MSRA: variants seen among roughly 807,000 people sequenced by gnomAD.
MSRA encodes mitochondrial peptide methionine sulfoxide reductase.
In MSRA, 54 loss-of-function variants were observed where a neutral mutation model predicts 31.3. The ratio of observed to expected loss-of-function variants is 1.73; its 90% confidence interval spans 1.39 to 2.17. The LOEUF (loss-of-function observed/expected upper bound fraction) is 2.17, where lower values mean the gene tolerates loss of function less well. Ranked by LOEUF, MSRA falls within the 30% of genes most tolerant of loss-of-function variation. The pLI, the probability that MSRA is intolerant of heterozygous loss-of-function variation, is 0.00. For synonymous variants in MSRA, 169 were observed against 116.5 expected (o/e 1.45, Z -2.90); for missense variants, 507 against 300.9 (o/e 1.69, Z -5.07).
chr8:10,330,376 A>G (rs1361836249), intron 5 of MSRA, among the ~76,000 whole-genome samples: 5 of 152,184 alleles, frequency 3.3e-5, no homozygotes, highest in Non-Finnish European at 7.4e-5. Flanking sequence ...TAACCATGAT[A>G]ATATAACTGA....
chr8:10,073,618 C>A (rs1215940777), intron 1 of MSRA, among the ~76,000 whole-genome samples: 1 of 152,004 alleles, frequency 6.6e-6, no homozygotes, highest in Middle Eastern at 3.2e-3. Context: ...CAAACTCTTA[C>A]TCCACACACT....
chr8:10,200,894 G>A (rs906366922), intron 1 of MSRA, among the ~76,000 whole-genome samples: 1 of 152,098 alleles, frequency 6.6e-6, no homozygotes, highest in Non-Finnish European at 1.5e-5. Flanking sequence ...TAGCATCTGC[G>A]GAGAGGACCT....
At chr8:10,335,255 T>G (rs1310557701) in intron 5 of MSRA, among the ~76,000 whole-genome samples, 3 of 146,652 alleles carry the variant, frequency 2.0e-5, no homozygotes, top group Admixed American at 2.0e-4. Flanking sequence ...GCTCTGTTTT[T>G]TTTTTTTTTT....
intron 1 of MSRA, among the ~76,000 whole-genome samples, chr8:10,156,921 C>A (rs1276081544): frequency 6.8e-6 from 1 of 147,062 alleles, no homozygotes; most frequent in African/African-American, 2.5e-5. Context: ...GAGCGCATAA[C>A]AATACCTGTC....
At chr8:10,104,892 A>C (rs1278816857) in intron 1 of MSRA, among the ~76,000 whole-genome samples, 1 of 152,150 alleles carries the variant, frequency 6.6e-6, no homozygotes, top group Non-Finnish European at 1.5e-5. Context: ...GTACCCATTT[A>C]TATTCCTGTG....
intron 3 of MSRA, among the ~76,000 whole-genome samples, chr8:10,272,659 CACTCTT>C (rs1445351264): frequency 6.6e-6 from 1 of 152,230 alleles, no homozygotes; most frequent in Non-Finnish European, 1.5e-5. Context: ...AATTAACCCT[CACTCTT>C]ACTCGCGCTT....
At chr8:10,343,256 C>T (rs1803557016) in intron 5 of MSRA, among the ~76,000 whole-genome samples, 1 of 152,194 alleles carries the variant, frequency 6.6e-6, no homozygotes, top group African/African-American at 2.4e-5. Flanking sequence ...ATGGTGAGAA[C>T]ACCGTCTCTA....
intron 1 of MSRA, chr8:10,096,040 G>A (rs562046766): frequency 2.1e-6 from 3 of 1,443,426 alleles, no homozygotes; most frequent in South Asian, 1.6e-5. Context: ...AATGTGTTCA[G>A]AACGTAAGTT....
intron 1 of MSRA, among the ~76,000 whole-genome samples, chr8:10,100,615 A>G (rs967216233): frequency 6.6e-6 from 1 of 152,054 alleles, no homozygotes; most frequent in African/African-American, 2.4e-5. Flanking sequence ...AGTGAAAGAA[A>G]AGGTTTTGAG....
chr8:10,174,271 G>A (rs1326415526), intron 1 of MSRA, among the ~76,000 whole-genome samples: 1 of 152,052 alleles, frequency 6.6e-6, no homozygotes, highest in Non-Finnish European at 1.5e-5. Context: ...AAGATATGAA[G>A]GACACAGATA....
intron 3 of MSRA, among the ~76,000 whole-genome samples, chr8:10,285,440 A>G (rs894274867): frequency 6.6e-6 from 1 of 152,208 alleles, no homozygotes; most frequent in Non-Finnish European, 1.5e-5. Context: ...TAATGATCAA[A>G]TCAGAGTAAT....
chr8:10,410,587 G>T (rs954412795), intron 5 of MSRA, among the ~76,000 whole-genome samples: 3 of 152,178 alleles, frequency 2.0e-5, no homozygotes, highest in African/African-American at 7.2e-5. Context: ...TCTTACAGAA[G>T]AGAAGGCCAA....
In MSRA at chr8:10,200,293, T is replaced by C. The variant is rs191425233; in HGVS notation, c.143-7540T>C. 3.9e-5 allele frequency among the ~76,000 whole-genome samples: 6 copies of C among 152,352 alleles called. No homozygotes were observed. The East Asian group carries it at 7.7e-4, about 20-fold the overall frequency. ...TGTTTTTCGTGCTGTGATTTTTCAC[T>C]GTTGTCCAATTGTCCTCTGTTTTTC... On this transcript the variant is annotated intron_variant, in intron 1 of 5. Coordinates refer to ENST00000317173, the MANE Select transcript of MSRA (RefSeq NM_012331.5).
chr8:10,192,944 G>A (rs1177121579), intron 1 of MSRA, among the ~76,000 whole-genome samples: 2 of 152,170 alleles, frequency 1.3e-5, no homozygotes, highest in African/African-American at 4.8e-5. Context: ...TAAATTGGGG[G>A]TTTGCCCATA....
chr8:10,161,552 T>G (rs1181005545), intron 1 of MSRA, among the ~76,000 whole-genome samples: 1 of 152,206 alleles, frequency 6.6e-6, no homozygotes, highest in African/African-American at 2.4e-5. Context: ...TGGGAAATGC[T>G]TTGGTCTCTT....
chr8:10,291,876 G>T lies in MSRA; in HGVS notation c.332-9658G>T, dbSNP rs75007276. Among the ~76,000 whole-genome samples the T allele has an allele frequency of 2.8e-4, 42 of 152,264 alleles. 1 individual carries two copies. In the East Asian group the frequency reaches 8.1e-3, roughly 29 times the overall value. Reference sequence around the variant, plus strand: ...CTAAGTCAAGTCTTTTTATTTTAAAGATCAGTTTCTTACCTGGACTCGGAC... The same window carrying T: ...CTAAGTCAAGTCTTTTTATTTTAAATATCAGTTTCTTACCTGGACTCGGAC... On this transcript the variant is annotated intron_variant, in intron 3 of 5. Coordinates refer to ENST00000317173, the MANE Select transcript of MSRA (RefSeq NM_012331.5).
intron 2 of MSRA, among the ~76,000 whole-genome samples, chr8:10,218,110 T>G (rs915950534): frequency 1.4e-5 from 2 of 145,726 alleles, no homozygotes; most frequent in Non-Finnish European, 3.0e-5. Context: ...ACCCGGTTCC[T>G]TTTCTATTTA....
At chr8:10,167,603 A>G (rs1301865899) in intron 1 of MSRA, among the ~76,000 whole-genome samples, 1 of 152,192 alleles carries the variant, frequency 6.6e-6, no homozygotes, top group East Asian at 1.9e-4. Context: ...TAATTCTAGC[A>G]TGCAAATTCA....
At chr8:10,071,675 G>C (rs1489433917) in intron 1 of MSRA, among the ~76,000 whole-genome samples, 1 of 152,012 alleles carries the variant, frequency 6.6e-6, no homozygotes, top group Non-Finnish European at 1.5e-5. Flanking sequence ...TCCATTTTGA[G>C]ATAATTTTTG....
Sources: allele counts gnomAD v4.1 joint callset (sites outside exome capture counted in the v4.1 genomes callset), GRCh38; gene constraint gnomAD v4.1.1; transcripts MANE v1.5; gene names NCBI Gene and HGNC (gene_info 2026-07-23, HGNC 2026-07-21).